DOCK10: variants seen among roughly 807,000 people sequenced by gnomAD.
DOCK10 encodes the protein dedicator of cytokinesis 10.
Under a neutral mutation model 280.1 loss-of-function variants are expected in DOCK10, and 145 were observed. The observed-to-expected ratio is 0.52, with a 90% CI of 0.45 to 0.59. The LOEUF is 0.59. Ranked by LOEUF, DOCK10 falls within the 20% of genes least tolerant of loss-of-function variation. The probability of loss-of-function intolerance (pLI) is 0.00; values close to 1 mark genes in which losing one functional copy is unlikely to be tolerated. For missense variants in DOCK10, 2,368 were observed against 2,651.7 expected, an observed-to-expected ratio of 0.89 and a Z score of 2.35; for synonymous variants, 915 against 942.2, an observed-to-expected ratio of 0.97 and a Z score of 0.53.
chr2:224,779,863 G>C (rs1186427691), intron 50 of DOCK10, among the ~76,000 whole-genome samples: 1 of 152,132 alleles, frequency 6.6e-6, no homozygotes, highest in Non-Finnish European at 1.5e-5. Context: ...TTGGCAATCA[G>C]GTAATCACCT....
At chr2:224,916,992 C>T (rs559977915) in intron 2 of DOCK10, among the ~76,000 whole-genome samples, 1 of 151,842 alleles carries the variant, frequency 6.6e-6, no homozygotes, top group Admixed American at 6.6e-5. Context: ...ATTTTTACAA[C>T]AGTTACTGTT....
At chr2:225,018,493 T>C (rs1470237069) in intron 1 of DOCK10, among the ~76,000 whole-genome samples, 1 of 130,110 alleles carries the variant, frequency 7.7e-6, no homozygotes, top group Non-Finnish European at 1.6e-5. Context: ...TAAACATATA[T>C]ATATAATATA....
At chr2:224,968,548 T>C (rs527962207) in intron 1 of DOCK10, among the ~76,000 whole-genome samples, 1 of 152,382 alleles carries the variant, frequency 6.6e-6, no homozygotes, top group South Asian at 2.1e-4. Context: ...GATAATTTGA[T>C]ATTTACTGCT....
chr2:224,885,972 C>A, intron 6 of DOCK10, 91 bp downstream of exon 6: 1 of 1,553,476 alleles, frequency 6.4e-7, no homozygotes, highest in Admixed American at 1.9e-5. Flanking sequence ...AACATAAACT[C>A]AATGCAAATG....
At chr2:224,912,298 G>A (rs79190082) in intron 3 of DOCK10, among the ~76,000 whole-genome samples, 36,867 of 151,714 alleles carry the variant, frequency 0.24, 5,026 homozygotes, top group South Asian at 0.34. Flanking sequence ...ACTACTCCCG[G>A]GTAATTTTGT....
At position 225,042,103 on chromosome 2, in the gene DOCK10, G is replaced by T; in HGVS notation, c.123+149C>A. 1 of 996,020 alleles carries T rather than the reference G, an allele frequency of 1.0e-6. No individual in the cohort carries two copies. 61.7% of individuals were successfully genotyped at this position (996,020 alleles called of 1,614,324 possible). On this transcript the variant is annotated intron_variant, in intron 1 of 55. Transcript: ENST00000258390. This position sits in a 1 kb window ranked among gnomAD's most constrained non-coding sequence, Gnocchi z 5.1. ...GCCTCGCTGAGGTGGCGCCGGGGGA[G>T]CCCGCAGAGGCGGCGGGGGAGGGAG...
chr2:224,857,014 T>C lies in DOCK10; in HGVS notation c.1686-32A>G, dbSNP rs760571730. On this transcript the variant is annotated intron_variant, in intron 14 of 55. Coordinates refer to ENST00000258390, the MANE Select transcript of DOCK10 (RefSeq NM_014689.3). ...GAAAATATTTATTCAGGTTGGTAGT[T>C]GGATATTGTTTATAAAGTTGTGTTT... The C allele has an allele frequency of 2.4e-5, 37 of 1,552,662 alleles. No individual in the cohort carries two copies. In the South Asian group the frequency reaches 4.5e-4, roughly 19 times the overall value.
chr2:224,956,637 A>G, intron 1 of DOCK10, among the ~76,000 whole-genome samples: 1 of 142,436 alleles, frequency 7.0e-6, no homozygotes, highest in Non-Finnish European at 1.6e-5. Flanking sequence ...AAAAAAAAAA[A>G]AAAAAAAAAA....
At chr2:224,863,136 T>G (rs1035988569) in intron 13 of DOCK10, among the ~76,000 whole-genome samples, 1 of 152,238 alleles carries the variant, frequency 6.6e-6, no homozygotes, top group African/African-American at 2.4e-5. Flanking sequence ...AAGAGTCATA[T>G]AGTAAACACA....
At chr2:224,776,415 A>G (rs574753944) in intron 51 of DOCK10, among the ~76,000 whole-genome samples, 1 of 152,196 alleles carries the variant, frequency 6.6e-6, no homozygotes, top group South Asian at 2.1e-4. Flanking sequence ...CTGATACCAA[A>G]TTTGGCATTT....
intron 1 of DOCK10, among the ~76,000 whole-genome samples, chr2:224,988,422 G>A (rs1181299042): frequency 6.6e-6 from 1 of 152,124 alleles, no homozygotes; most frequent in Non-Finnish European, 1.5e-5. Flanking sequence ...TATAGCACTC[G>A]CCATGTGCCA....
intron 1 of DOCK10, among the ~76,000 whole-genome samples, chr2:225,035,529 G>GATAT (rs10605059): frequency 2.6e-5 from 2 of 75,686 alleles, no homozygotes; most frequent in Non-Finnish European, 5.5e-5. Flanking sequence ...GATCTTATAT[G>GATAT]ATATGATATA....
chr2:224,877,547 G>A (rs1349543300), intron 7 of DOCK10, among the ~76,000 whole-genome samples: 1 of 139,364 alleles, frequency 7.2e-6, no homozygotes, highest in Admixed American at 7.6e-5. Context: ...ATGAATAATT[G>A]AAGGAATGAA....
chr2:224,853,852 G>C (rs144707961), intron 16 of DOCK10, among the ~76,000 whole-genome samples: 6 of 152,294 alleles, frequency 3.9e-5, no homozygotes, highest in African/African-American at 1.4e-4. Flanking sequence ...AAAATGATTA[G>C]CTACGAATGC....
chr2:224,813,411 A>T (rs945280716), intron 31 of DOCK10, among the ~76,000 whole-genome samples: 3 of 152,068 alleles, frequency 2.0e-5, no homozygotes, highest in Non-Finnish European at 2.9e-5. Flanking sequence ...GGCCAGGGTG[A>T]TGTCGAACTC....
At chr2:224,942,263 C>A (rs1473828398) in intron 1 of DOCK10, among the ~76,000 whole-genome samples, 1 of 152,240 alleles carries the variant, frequency 6.6e-6, no homozygotes, top group Non-Finnish European at 1.5e-5. Context: ...AGTGTTGCAG[C>A]TCACACCCAG....
rs370452804 is a variant in DOCK10, at chr2:224,795,678, G to A, written c.4939-584C>T. Among the ~76,000 whole-genome samples, 17 of 152,342 alleles carry A rather than the reference G, an allele frequency of 1.1e-4. No homozygotes were observed. In the East Asian group the frequency reaches 2.1e-3, roughly 19 times the overall value. ...GAGGAAAGCTGAGCTGACAGACAGT[G>A]AGAGAGGCAAGATCGAGGCAGTAGA... On this transcript the variant is annotated intron_variant, in intron 44 of 55. Transcript: ENST00000258390.
intron 1 of DOCK10, among the ~76,000 whole-genome samples, chr2:225,025,273 T>A (rs1428763226): frequency 6.6e-5 from 10 of 152,116 alleles, no homozygotes; most frequent in Admixed American, 4.6e-4. Flanking sequence ...TAAAGGAAGA[T>A]GTTGCATAAG....
At chr2:224,901,726 T>G (rs1318379985) in intron 3 of DOCK10, among the ~76,000 whole-genome samples, 1 of 152,212 alleles carries the variant, frequency 6.6e-6, no homozygotes, top group African/African-American at 2.4e-5. Flanking sequence ...CTACAGGTGA[T>G]TCTGAAGGAC....
Sources: gnomAD v4.1 joint callset for allele counts (sites outside exome capture counted in the v4.1 genomes callset) on GRCh38, gnomAD v4.1.1 for gene constraint, Gnocchi (gnomAD v3.1) non-coding constraint, MANE v1.5 for transcripts, NCBI Gene and HGNC (gene_info 2026-07-23, HGNC 2026-07-21) for gene names.